Variants in PDZRN3 observed in about 807,000 individuals in gnomAD.
PDZRN3 encodes PDZ domain containing ring finger 3.
Under a neutral mutation model 85.7 loss-of-function variants are expected in PDZRN3, and 38 were observed. That is an observed-to-expected ratio of 0.44 (90% CI 0.34 to 0.58). PDZRN3 has a LOEUF of 0.58. Among genes scored for constraint, PDZRN3 ranks in the 20% least tolerant of loss-of-function variants. The pLI, the probability that PDZRN3 is intolerant of heterozygous loss-of-function variation, is 0.01. For missense variants in PDZRN3, 1,629 were observed against 1,506.4 expected (o/e 1.08, Z -1.35); for synonymous variants, 759 against 638.0 (o/e 1.19, Z -2.86).
chr3:73,391,211 A>G (rs1379402131), intron 5 of PDZRN3, 95 bp from the exon 6 acceptor site: 4 of 807,850 alleles, frequency 5.0e-6, no homozygotes, highest in Admixed American at 1.9e-5. Context: ...CAAATGAGGA[A>G]CTGGATTTCT....
chr3:73,383,434 T>C lies in PDZRN3; in HGVS notation c.3132A>G (p.Leu1044=). Residue 1044 remains leucine (L), a synonymous_variant, in exon 10 of 10, where the codon TTA becomes TTG. Transcript: ENST00000263666. Reference sequence around the variant, plus strand: ...CGTCCGGGGATTTTGTGCCGTGGGTTAAGAGTTCTTGGATCGTCATCCAGT... The same window carrying C: ...CGTCCGGGGATTTTGTGCCGTGGGTCAAGAGTTCTTGGATCGTCATCCAGT... ...FDNWMTIQEL[L]THGTKSPDGT... 1 of 1,614,190 alleles carries C rather than the reference T, an allele frequency of 6.2e-7. No homozygotes were observed. Among genetic ancestry groups the C allele is most frequent in the South Asian group, 1.1e-5 (1 of 91,084 alleles).
At chr3:73,391,865 A>C (rs779751443) in intron 5 of PDZRN3, among the ~76,000 whole-genome samples, 1 of 152,096 alleles carries the variant, frequency 6.6e-6, no homozygotes, top group Non-Finnish European at 1.5e-5. Flanking sequence ...GACTTGTGCA[A>C]GTTTTTGTAG....
intron 3 of PDZRN3, among the ~76,000 whole-genome samples, chr3:73,481,600 G>A (rs1431625407): frequency 2.6e-5 from 4 of 151,746 alleles, no homozygotes; most frequent in African/African-American, 7.3e-5. Context: ...AAAGTGCTGG[G>A]ATTACAGGCG....
At chr3:73,585,166 G>A (rs1349364858) in intron 3 of PDZRN3, among the ~76,000 whole-genome samples, 1 of 152,042 alleles carries the variant, frequency 6.6e-6, no homozygotes, top group Non-Finnish European at 1.5e-5. Flanking sequence ...GCTGCCCTTA[G>A]TTTTACCATT....
rs762027539 is a variant in PDZRN3 at position 73,384,636 on chromosome 3, C to T, written c.1930G>A (p.Glu644Lys). Reference protein sequence around the residue: ...DYLGIPVDECERFRELLELKC... With the variant: ...DYLGIPVDECKRFRELLELKC... Reference sequence around the variant, plus strand: ...AGCTCCAGGAGCTCGCGGAAGCGCTCGCACTCGTCCACCGGGATCCCCAGG... The same window carrying T: ...AGCTCCAGGAGCTCGCGGAAGCGCTTGCACTCGTCCACCGGGATCCCCAGG... The change falls in exon 10 of 10, where the codon GAG becomes AAG. Residue 644 changes from glutamate to lysine, a missense_variant. Coordinates refer to ENST00000263666, the MANE Select transcript of PDZRN3 (RefSeq NM_015009.3). The T allele has an allele frequency of 5.6e-6, 9 of 1,613,728 alleles. No homozygotes were observed. The highest frequency in any genetic ancestry group is 1.6e-4 in the Middle Eastern group (1 of 6,084).
chr3:73,581,402 TTTAG>T (rs1320026478), intron 3 of PDZRN3, among the ~76,000 whole-genome samples: 20 of 152,312 alleles, frequency 1.3e-4, no homozygotes, highest in African/African-American at 4.1e-4. Flanking sequence ...GAACGCATGA[TTTAG>T]TTATTTATAT....
intron 3 of PDZRN3, among the ~76,000 whole-genome samples, chr3:73,499,371 G>A (rs1703931212): frequency 6.6e-6 from 1 of 152,126 alleles, no homozygotes; most frequent in South Asian, 2.1e-4. Context: ...AACTCACATG[G>A]CCACACGCTG....
At chr3:73,511,320 G>C (rs186861234) in intron 3 of PDZRN3, among the ~76,000 whole-genome samples, 1 of 152,118 alleles carries the variant, frequency 6.6e-6, no homozygotes, top group Non-Finnish European at 1.5e-5. Context: ...GAAGCGGGAC[G>C]ACTCTCTTAG....
Position 73,624,238 on chromosome 3 carries a change from C to T in PDZRN3, c.588G>A (p.Lys196=), listed in dbSNP as rs1702924486. 1.4e-6 allele frequency: 2 copies of T among 1,470,536 alleles called. No individual in the cohort carries two copies. The highest frequency in any genetic ancestry group is 9.0e-7 in the Non-Finnish European group (1 of 1,116,916). 91.1% of individuals were successfully genotyped at this position (1,470,536 alleles called of 1,614,324 possible). A position where few individuals can be genotyped will look rare whatever the true frequency, so the allele number is the denominator to read the frequency against. ...KEALRAGKRE[K]SLVAQLAAAQ... is the part of the protein sequence containing the mutation. ...CCGCGGCCAGCTGGGCCACCAGCGACTTCTCGCGCTTCCCAGCGCGCAGCG... is the reference window on the plus strand; with the variant it reads ...CCGCGGCCAGCTGGGCCACCAGCGATTTCTCGCGCTTCCCAGCGCGCAGCG... The change falls in exon 1 of 10, where the codon AAG becomes AAA. Residue 196 remains lysine (K), a synonymous_variant. Coordinates refer to ENST00000263666, the MANE Select transcript of PDZRN3 (RefSeq NM_015009.3).
chr3:73,383,680 G>A lies in PDZRN3; in HGVS notation c.2886C>T (p.Asp962=), dbSNP rs146319457. 2.7e-4 allele frequency: 430 copies of A among 1,611,924 alleles called. No homozygotes were observed. The highest frequency in any genetic ancestry group is 3.3e-4 in the Non-Finnish European group (391 of 1,180,012). ...EERSGMTTDD[D]AVSEMKMGRY... is the part of the protein sequence containing the mutation. Reference sequence around the variant, plus strand: ...GCCCCATCTTCATCTCGCTCACCGCGTCGTCGTCGGTGGTCATGCCGCTGC... The same window carrying A: ...GCCCCATCTTCATCTCGCTCACCGCATCGTCGTCGGTGGTCATGCCGCTGC... Residue 962 remains aspartate (D), a synonymous_variant, in exon 10 of 10, where the codon GAC becomes GAT. Transcript: ENST00000263666.
intron 3 of PDZRN3, among the ~76,000 whole-genome samples, chr3:73,507,337 A>C (rs1051408789): frequency 6.6e-6 from 1 of 152,156 alleles, no homozygotes; most frequent in African/African-American, 2.4e-5. Context: ...TGCCTGGATA[A>C]TTTTTGTATT....
chr3:73,407,401 A>C (rs1701876547), intron 3 of PDZRN3, among the ~76,000 whole-genome samples: 1 of 152,198 alleles, frequency 6.6e-6, no homozygotes. Flanking sequence ...GAATTAACCA[A>C]GTTTAGAACG....
chr3:73,433,182 T>C (rs1001430976), intron 3 of PDZRN3, among the ~76,000 whole-genome samples: 6 of 152,174 alleles, frequency 3.9e-5, no homozygotes, highest in South Asian at 2.1e-4. Flanking sequence ...ACTACAAGAA[T>C]TGCTAAAAGA....
intron 3 of PDZRN3, among the ~76,000 whole-genome samples, chr3:73,519,739 GT>G (rs1433720925): frequency 6.6e-6 from 1 of 152,180 alleles, no homozygotes; most frequent in African/African-American, 2.4e-5. Flanking sequence ...CCCCAGAACA[GT>G]AGCATCACAT....
At chr3:73,479,385 A>AAAGT (rs1031646791) in intron 3 of PDZRN3, among the ~76,000 whole-genome samples, 1 of 93,864 alleles carries the variant, frequency 1.1e-5, no homozygotes, top group African/African-American at 5.0e-5. Context: ...ACACCTTCTC[A>AAAGT]AAGTAAAAAA....
At position 73,388,083 on chromosome 3, in the gene PDZRN3, A is replaced by AAGGG; in HGVS notation, c.1417-15_1417-14insCCCT. The AAGGG allele has an allele frequency of 1.1e-6, 1 of 908,170 alleles. No homozygotes were observed. The highest frequency in any genetic ancestry group is 1.7e-6 in the Non-Finnish European group (1 of 588,932). The allele number at this position is 908,170 out of a possible 1,614,324, so 56.3% of individuals were successfully genotyped here. ...TATCCCATTAATCTTTTAAAAAAAA[A>AAGGG]GGGGGGGTGGGGAGAGTGGGGAGAC... On this transcript the variant is annotated splice_polypyrimidine_tract_variant and intron_variant, in intron 7 of 9. Coordinates refer to ENST00000263666, the MANE Select transcript of PDZRN3 (RefSeq NM_015009.3).
chr3:73,471,888 A>G (rs1260344173), intron 3 of PDZRN3, among the ~76,000 whole-genome samples: 1 of 152,228 alleles, frequency 6.6e-6, no homozygotes, highest in Non-Finnish European at 1.5e-5. Flanking sequence ...CAGGACAAAA[A>G]GGAAGACTAT....
At chr3:73,606,309 G>A (rs1318694401) in intron 2 of PDZRN3, among the ~76,000 whole-genome samples, 1 of 152,234 alleles carries the variant, frequency 6.6e-6, no homozygotes, top group African/African-American at 2.4e-5. Flanking sequence ...CAACTCATCT[G>A]TGCTAAATGG....
At chr3:73,389,660 C>A (rs994690593) in intron 7 of PDZRN3, among the ~76,000 whole-genome samples, 156 bp downstream of exon 7, 3 of 152,162 alleles carry the variant, frequency 2.0e-5, no homozygotes, top group African/African-American at 7.2e-5. Context: ...GATAGCCTCA[C>A]AATTAGTTTA....
Sources: allele counts gnomAD v4.1 joint callset (sites outside exome capture counted in the v4.1 genomes callset), GRCh38; gene constraint gnomAD v4.1.1; transcripts MANE v1.5; gene names NCBI Gene and HGNC (gene_info 2026-07-23, HGNC 2026-07-21).